The following PIEZO2 variants were observed in gnomAD, a reference collection of about 807,000 sequenced individuals.
The protein encoded by PIEZO2 is piezo-type mechanosensitive ion channel component 2.
PIEZO2 carries 172 observed loss-of-function variants against 337.3 expected under a neutral mutation model. That is an observed-to-expected ratio of 0.51 (90% CI 0.45 to 0.58). The LOEUF (loss-of-function observed/expected upper bound fraction) is 0.58, where lower values mean the gene tolerates loss of function less well. PIEZO2 is among the 20% of genes least tolerant of loss of function. PIEZO2 has a pLI of 0.00. For synonymous variants in PIEZO2, 1,251 were observed against 1,228.5 expected (o/e 1.02, Z -0.38); for missense variants, 3,028 against 3,391.3 (o/e 0.89, Z 2.66).
At chr18:10,987,942 C>A (rs953919787) in intron 2 of PIEZO2, among the ~76,000 whole-genome samples, 1 of 151,988 alleles carries the variant, frequency 6.6e-6, no homozygotes, top group Non-Finnish European at 1.5e-5. Context: ...AAGAACTGGT[C>A]GACATCACTA....
intron 49 of PIEZO2, among the ~76,000 whole-genome samples, chr18:10,688,284 G>A (rs1333491840): frequency 1.3e-5 from 2 of 152,162 alleles, no homozygotes; most frequent in Admixed American, 1.3e-4. Flanking sequence ...GTGTTAGTTT[G>A]CTGAGAATGA....
In PIEZO2 at chr18:10,773,506, T is replaced by C; in HGVS notation, c.2691A>G (p.Glu897=). 6.5e-7 allele frequency: 1 copy of C among 1,537,476 alleles called. No individual in the cohort carries two copies. Residue 897 remains glutamate (E), a synonymous_variant, in exon 20 of 56, where the codon GAA becomes GAG. Transcript: ENST00000674853. The surrounding 1 kb of genome is among the most constrained non-coding windows in gnomAD (Gnocchi z 5.3). ...PGEEKLEGYS[E]KAQKGDLGKD... The stretch of plus-strand genomic sequence containing the variant: ...TCCCAAGATCACCCTTCTGGGCTTT[T>C]TCAGAGTAGCCCTCAAGCTTCTCCT...
At chr18:10,764,455 G>T (rs1004936785) in intron 21 of PIEZO2, among the ~76,000 whole-genome samples, 2 of 152,004 alleles carry the variant, frequency 1.3e-5, no homozygotes, top group African/African-American at 4.8e-5. Context: ...GCCCGGCCAA[G>T]ATGGTGAAAC....
At position 11,143,367 on chromosome 18, in the gene PIEZO2, T is replaced by C. The variant is rs1239894150; in HGVS notation, c.64+5158A>G. Among the ~76,000 whole-genome samples the C allele has an allele frequency of 2.0e-5, 3 of 152,302 alleles. No homozygotes were observed. The South Asian group carries it at 6.2e-4, about 32-fold the overall frequency. ...AACTTCACATACAATTCACTGTTAG[T>C]AGCACAAGAACCCAAAAGGAAAATG... On this transcript the variant is annotated intron_variant, in intron 1 of 55. Transcript: ENST00000674853. The surrounding 1 kb of genome is among the most constrained non-coding windows in gnomAD (Gnocchi z 4.9).
Position 11,149,274 on chromosome 18 carries a change from G to A in PIEZO2, c.-686C>T, listed in dbSNP as rs1405494178. On this transcript the variant is annotated 5_prime_UTR_variant, in exon 1 of 56. Coordinates refer to ENST00000674853, the MANE Select transcript of PIEZO2 (RefSeq NM_001378183.1). The surrounding 1 kb of genome is among the most constrained non-coding windows in gnomAD (Gnocchi z 8.7). ...GGAGAGACCGGGGTGGGAGCTGCCA[G>A]GCGCGCAGAACCATCCCCGCCACCA... 6.6e-6 allele frequency among the ~76,000 whole-genome samples: 1 copy of A among 151,858 alleles called. No individual in the cohort carries two copies. The highest frequency in any genetic ancestry group is 2.4e-5 in the African/African-American group (1 of 41,370).
intron 36 of PIEZO2, chr18:10,728,011 A>G (rs2036610847): frequency 6.6e-6 from 1 of 152,532 alleles, no homozygotes; most frequent in African/African-American, 2.4e-5. Flanking sequence ...TATAAATAGC[A>G]TGAATTGATA....
intron 36 of PIEZO2, among the ~76,000 whole-genome samples, chr18:10,720,234 G>GTGTGTGTGTGTATATATA (rs1225106343): frequency 8.3e-6 from 1 of 119,920 alleles, no homozygotes; most frequent in Non-Finnish European, 1.7e-5. Flanking sequence ...GTGTGTGTGT[G>GTGTGTGTGTGTATATATA]TATATATATA....
intron 36 of PIEZO2, among the ~76,000 whole-genome samples, chr18:10,730,310 ACAGTATGT>A (rs2036712939): frequency 1.3e-5 from 2 of 152,204 alleles, no homozygotes; most frequent in African/African-American, 4.8e-5. Flanking sequence ...GGTTAAGAAA[ACAGTATGT>A]CAGAATATTT....
chr18:10,697,295 A>G (rs1412643645), intron 45 of PIEZO2, among the ~76,000 whole-genome samples: 1 of 152,112 alleles, frequency 6.6e-6, no homozygotes, highest in Non-Finnish European at 1.5e-5. Flanking sequence ...CACCACTTCC[A>G]TCCCCAGCAG....
intron 21 of PIEZO2, among the ~76,000 whole-genome samples, chr18:10,764,217 T>C (rs1262776429): frequency 6.6e-6 from 1 of 152,248 alleles, no homozygotes; most frequent in African/African-American, 2.4e-5. Context: ...AGTAATATCC[T>C]AGAAATGTTT....
At chr18:10,718,491 G>A (rs1280174802) in intron 36 of PIEZO2, among the ~76,000 whole-genome samples, 3 of 152,138 alleles carry the variant, frequency 2.0e-5, no homozygotes, top group Admixed American at 6.5e-5. Context: ...GGTGGGTACC[G>A]GCCAGTACTC....
chr18:10,702,193 T>G, intron 42 of PIEZO2, 22 bp from the exon 43 acceptor site: 1 of 1,526,994 alleles, frequency 6.5e-7, no homozygotes, highest in East Asian at 2.5e-5. Flanking sequence ...TGACAGAAAT[T>G]TTAAAACATT....
intron 7 of PIEZO2, among the ~76,000 whole-genome samples, chr18:10,829,616 A>T (rs1384461451): frequency 6.6e-6 from 1 of 152,170 alleles, no homozygotes; most frequent in African/African-American, 2.4e-5. Context: ...AGAATATAAA[A>T]ATCAACATAC....
rs2041347809 is a variant in PIEZO2 at position 10,846,033 on chromosome 18, C to A, written c.917+9320G>T. Among the ~76,000 whole-genome samples, 1 of 152,120 alleles carries A rather than the reference C, an allele frequency of 6.6e-6. No individual in the cohort carries two copies. The highest frequency in any genetic ancestry group is 1.5e-5 in the Non-Finnish European group (1 of 68,024). On this transcript the variant is annotated intron_variant, in intron 7 of 55. Transcript: ENST00000674853. This position sits in a 1 kb window ranked among gnomAD's most constrained non-coding sequence, Gnocchi z 4.1. ...GTGGGTGTATGAAGATTGATGATGA[C>A]CTTTCTGGAAAATAATTTCCCCACA... is the stretch of plus-strand genomic sequence containing the variant.
At chr18:10,823,480 C>T (rs1166928476) in intron 7 of PIEZO2, among the ~76,000 whole-genome samples, 4 of 152,190 alleles carry the variant, frequency 2.6e-5, no homozygotes, top group Non-Finnish European at 5.9e-5. Flanking sequence ...AAAGTGCCAT[C>T]TGTTATCTAG....
rs1291531229 is a variant in PIEZO2 at position 10,750,114 on chromosome 18, C to T, written c.4241G>A (p.Cys1414Tyr). The T allele has an allele frequency of 6.5e-7, 1 of 1,536,752 alleles. No individual in the cohort carries two copies. The highest frequency in any genetic ancestry group is 2.0e-5 in the Admixed American group (1 of 50,998). ...ACGCATTTGATAGCCTTTGACTGTG[C>T]AGGCCAGGCTGAAAGCCTGGATCAA... Reference protein sequence around the residue: ...CWLIQAFSLACTVKGYQMPAA... With the variant: ...CWLIQAFSLAYTVKGYQMPAA... Residue 1414 changes from cysteine to tyrosine, a missense_variant, in exon 29 of 56, where the codon TGC (cysteine) becomes TAC (tyrosine). By Grantham distance (194) the Cys-to-Tyr change is radical. Transcript: ENST00000674853. This position sits in a 1 kb window ranked among gnomAD's most constrained non-coding sequence, Gnocchi z 4.1.
chr18:10,762,907 A>ATCACCGAGGC lies in PIEZO2; in HGVS notation c.3123+5_3123+14dup. On this transcript the variant is annotated intron_variant, in intron 22 of 55. Transcript: ENST00000674853. Reference sequence around the variant, plus strand: ...AAAGGGCAGTCAGGAATATTCCCCCATCACCGAGGCTCACCAAGGAACAGT... The same window carrying ATCACCGAGGC: ...AAAGGGCAGTCAGGAATATTCCCCCATCACCGAGGCTCACCGAGGCTCACCAAGGAACAGT... The ATCACCGAGGC allele has an allele frequency of 6.5e-7, 1 of 1,534,962 alleles. No individual in the cohort carries two copies. The highest frequency in any genetic ancestry group is 1.4e-5 in the African/African-American group (1 of 73,090).
chr18:10,755,746 A>G (rs928116586), intron 27 of PIEZO2, among the ~76,000 whole-genome samples: 4 of 151,734 alleles, frequency 2.6e-5, no homozygotes, highest in African/African-American at 9.8e-5. Context: ...CTGCTCAGGA[A>G]GAGCACAGGC....
At chr18:10,761,842 C>T (rs765673567) in intron 23 of PIEZO2, among the ~76,000 whole-genome samples, 2 of 152,164 alleles carry the variant, frequency 1.3e-5, no homozygotes, top group Non-Finnish European at 2.9e-5. Context: ...CCCTTAAATG[C>T]ATTGCCAGTG....
Sources: allele counts gnomAD v4.1 joint callset (sites outside exome capture counted in the v4.1 genomes callset), GRCh38; gene constraint gnomAD v4.1.1; non-coding constraint Gnocchi (gnomAD v3.1); transcripts MANE v1.5; gene names NCBI Gene and HGNC (gene_info 2026-07-23, HGNC 2026-07-21).